NRG1: variants seen among roughly 807,000 people sequenced by gnomAD.
NRG1 encodes the protein pro-neuregulin-1, membrane-bound isoform.
A neutral mutation model predicts 63.8 loss-of-function variants in NRG1; 18 were observed. The observed-to-expected ratio is 0.28, with a 90% confidence interval of 0.19 to 0.42. The LOEUF (loss-of-function observed/expected upper bound fraction) is 0.42, where lower values mean the gene tolerates loss of function less well. Among genes scored for constraint, NRG1 ranks in the 10% least tolerant of loss-of-function variants. NRG1 has a pLI of 1.00. For synonymous variants in NRG1, 302 were observed against 301.3 expected, an observed-to-expected ratio of 1.00 and a Z score of -0.02; for missense variants, 762 against 814.7, an observed-to-expected ratio of 0.94 and a Z score of 0.79.
chr8:31,730,530 T>C (rs1277747465), intron 1 of NRG1, among the ~76,000 whole-genome samples: 1 of 152,130 alleles, frequency 6.6e-6, no homozygotes, highest in Non-Finnish European at 1.5e-5. Context: ...AAAGATAGAT[T>C]GGGGAACAGA....
At chr8:32,448,665 T>C (rs1019954666) in intron 1 of NRG1, among the ~76,000 whole-genome samples, 1 of 146,908 alleles carries the variant, frequency 6.8e-6, no homozygotes, top group Non-Finnish European at 1.5e-5. Context: ...CTACGTCAAT[T>C]AGCTATTTTT....
chr8:32,183,093 A>G (rs993720790), intron 1 of NRG1, among the ~76,000 whole-genome samples: 6 of 152,148 alleles, frequency 3.9e-5, no homozygotes, highest in African/African-American at 1.4e-4. Context: ...GAAGGAAAGA[A>G]CTCCATTACA....
chr8:32,029,773 T>C (rs1367139122), intron 1 of NRG1, among the ~76,000 whole-genome samples: 1 of 152,180 alleles, frequency 6.6e-6, no homozygotes, highest in East Asian at 1.9e-4. Flanking sequence ...CCTCATGACC[T>C]GAATCGTATT....
chr8:31,887,049 T>C (rs753765326), intron 1 of NRG1, among the ~76,000 whole-genome samples: 1 of 152,068 alleles, frequency 6.6e-6, no homozygotes, highest in African/African-American at 2.4e-5. Flanking sequence ...TTTTCTTGGG[T>C]TTAGATCAGC....
intron 1 of NRG1, among the ~76,000 whole-genome samples, chr8:32,456,080 C>G (rs1478948783): frequency 6.6e-6 from 1 of 152,186 alleles, no homozygotes; most frequent in Non-Finnish European, 1.5e-5. Flanking sequence ...GTTCTTTTTA[C>G]TAATTGTTTC....
chr8:32,540,461 T>C (rs1832470631), intron 1 of NRG1, among the ~76,000 whole-genome samples: 1 of 152,124 alleles, frequency 6.6e-6, no homozygotes, highest in Non-Finnish European at 1.5e-5. Flanking sequence ...AAAATAAAAA[T>C]GTCATTCAAT....
At chr8:32,663,103 C>T (rs1339649161) in intron 5 of NRG1, among the ~76,000 whole-genome samples, 1 of 152,170 alleles carries the variant, frequency 6.6e-6, no homozygotes, top group Non-Finnish European at 1.5e-5. Context: ...AATAGGCTTC[C>T]AACAAACCAC....
intron 1 of NRG1, among the ~76,000 whole-genome samples, chr8:32,317,040 T>C (rs1232412540): frequency 6.6e-6 from 1 of 152,174 alleles, no homozygotes; most frequent in African/African-American, 2.4e-5. Flanking sequence ...ATATTGTTTG[T>C]CCAAAGTAGT....
At chr8:32,465,340 G>A (rs556746230) in intron 1 of NRG1, among the ~76,000 whole-genome samples, 1 of 152,230 alleles carries the variant, frequency 6.6e-6, no homozygotes, top group Non-Finnish European at 1.5e-5. Flanking sequence ...TATCATAAAC[G>A]TATATTGCTT....
In NRG1 at chr8:31,640,212, T is replaced by C; in HGVS notation, c.37+781T>C. On this transcript the variant is annotated intron_variant, in intron 1 of 10. Transcript: ENST00000519301. This position sits in a 1 kb window ranked among gnomAD's most constrained non-coding sequence, Gnocchi z 6.3. Reference sequence around the variant, plus strand: ...GCGTGGGATCGGTGCAGGAGCTAGCTCAGCGCGCCGCGGTGGTGATCGAGG... The same window carrying C: ...GCGTGGGATCGGTGCAGGAGCTAGCCCAGCGCGCCGCGGTGGTGATCGAGG... The C allele has an allele frequency of 8.6e-7, 1 of 1,167,012 alleles. No homozygotes were observed. The allele number at this position is 1,167,012 out of a possible 1,614,324, so 72.3% of individuals were successfully genotyped here. A position where few individuals can be genotyped will look rare whatever the true frequency, so the allele number is the denominator to read the frequency against.
chr8:31,645,267 A>G (rs1306499556), intron 1 of NRG1, among the ~76,000 whole-genome samples: 1 of 152,220 alleles, frequency 6.6e-6, no homozygotes. Context: ...ACGTTTGCTT[A>G]GTGACACATT....
chr8:32,296,091 G>C (rs1056710368), intron 1 of NRG1, among the ~76,000 whole-genome samples: 4 of 152,052 alleles, frequency 2.6e-5, no homozygotes, highest in African/African-American at 7.2e-5. Context: ...AAGATTTACT[G>C]TAGATTACCA....
intron 1 of NRG1, among the ~76,000 whole-genome samples, chr8:31,795,954 G>A (rs183305961): frequency 7.2e-5 from 11 of 152,272 alleles, no homozygotes; most frequent in African/African-American, 9.6e-5. Flanking sequence ...TTGGCGTATC[G>A]TAGACACTCA....
chr8:32,743,978 C>G (rs1826970013), intron 7 of NRG1, among the ~76,000 whole-genome samples: 1 of 151,996 alleles, frequency 6.6e-6, no homozygotes, highest in Non-Finnish European at 1.5e-5. Flanking sequence ...TCCATTAAAT[C>G]TTTATTTACA....
chr8:32,767,469 A>G (rs983044124), exon 12 of NRG1: 9 of 152,248 alleles, frequency 5.9e-5, no homozygotes, highest in Non-Finnish European at 8.8e-5. Flanking sequence ...ATGTAGGCAG[A>G]AGGAAATGGC....
chr8:31,759,701 A>C lies in NRG1; in HGVS notation c.37+120270A>C, dbSNP rs1817333230. On this transcript the variant is annotated intron_variant, in intron 1 of 10. Coordinates refer to the NRG1 transcript ENST00000519301. ...ATGTTTTAGCAATTTGAAATCCTTT[A>C]AAACTACATATGAATTTTAACATCA... 2.6e-5 allele frequency among the ~76,000 whole-genome samples: 4 copies of C among 152,286 alleles called. No individual in the cohort carries two copies. The South Asian group carries it at 6.2e-4, about 24-fold the overall frequency.
rs115839847 is a variant in NRG1, at chr8:31,937,018, G to A, written c.37+297587G>A. On this transcript the variant is annotated intron_variant, in intron 1 of 10. Coordinates refer to the NRG1 transcript ENST00000519301. ...CATTGGGAAGACTTCTTACTCAGAG[G>A]TTGTGGTCAGTCATTTTCAAATAAT... Among the ~76,000 whole-genome samples, 973 of 152,270 alleles carry A rather than the reference G, an allele frequency of 6.4e-3. 13 individuals carry two copies. Among genetic ancestry groups the A allele is most frequent in the African/African-American group, 0.022 (933 of 41,544 alleles).
intron 1 of NRG1, among the ~76,000 whole-genome samples, chr8:32,070,681 C>T (rs1825626909): frequency 1.3e-5 from 2 of 152,192 alleles, no homozygotes; most frequent in African/African-American, 2.4e-5. Flanking sequence ...CACCCTAGTC[C>T]AAGCTCTCTT....
At chr8:32,121,966 A>G (rs1020669535) in intron 1 of NRG1, among the ~76,000 whole-genome samples, 1 of 152,040 alleles carries the variant, frequency 6.6e-6, no homozygotes, top group African/African-American at 2.4e-5. Context: ...TCTATAGGCC[A>G]GGGAAGTTTC....
Sources: gnomAD v4.1 joint callset for allele counts (sites outside exome capture counted in the v4.1 genomes callset) on GRCh38, gnomAD v4.1.1 for gene constraint, Gnocchi (gnomAD v3.1) non-coding constraint, MANE v1.5 for transcripts, NCBI Gene and HGNC (gene_info 2026-07-23, HGNC 2026-07-21) for gene names.